NKAIN2: variants seen among roughly 807,000 people sequenced by gnomAD.
NKAIN2 encodes sodium/potassium-transporting ATPase subunit beta-1-interacting protein 2.
In NKAIN2, 14 loss-of-function variants were observed where a neutral mutation model predicts 32.6. The ratio of observed to expected loss-of-function variants is 0.43; its 90% CI spans 0.28 to 0.67. The LOEUF is 0.67. Ranked by LOEUF, NKAIN2 falls within the 30% of genes least tolerant of loss-of-function variation. NKAIN2 has a pLI of 0.17. For missense variants in NKAIN2, 198 were observed against 258.3 expected, an observed-to-expected ratio of 0.77 and a Z score of 1.60; for synonymous variants, 80 against 87.2, an observed-to-expected ratio of 0.92 and a Z score of 0.46.
At chr6:124,532,221 G>T (rs7773205) in intron 3 of NKAIN2, among the ~76,000 whole-genome samples, 8,089 of 152,112 alleles carry the variant, frequency 0.053, 532 homozygotes, top group East Asian at 0.14. Flanking sequence ...CACCCTGTTA[G>T]CAGGGACAGA....
intron 3 of NKAIN2, among the ~76,000 whole-genome samples, chr6:124,634,342 A>G (rs1783690128): frequency 6.6e-6 from 1 of 152,180 alleles, no homozygotes; most frequent in African/African-American, 2.4e-5. Flanking sequence ...CTGATAGACA[A>G]TTAAACAAAA....
At chr6:124,430,638 T>C (rs539186676) in intron 3 of NKAIN2, among the ~76,000 whole-genome samples, 1 of 151,718 alleles carries the variant, frequency 6.6e-6, no homozygotes, top group East Asian at 1.9e-4. Context: ...TATTCTTGCA[T>C]GGTAGCTCAG....
Position 124,276,293 on chromosome 6 carries a change from A to AACACACACACACACAC in NKAIN2, c.55-6696_55-6681dup, listed in dbSNP as rs149321217. Among the ~76,000 whole-genome samples, 111 of 145,952 alleles carry AACACACACACACACAC rather than the reference A, an allele frequency of 7.6e-4. 1 individual carries two copies. The highest frequency in any genetic ancestry group is 2.7e-3 in the African/African-American group (106 of 39,876). ...CAATTTTATTTTCTTCCCCTTGGTG[A>AACACACACACACACAC]ACACACACACACACACACACACACA... On this transcript the variant is annotated intron_variant, in intron 1 of 6. Coordinates refer to ENST00000368417, the MANE Select transcript of NKAIN2 (RefSeq NM_001040214.3).
intron 3 of NKAIN2, among the ~76,000 whole-genome samples, chr6:124,543,372 C>T (rs534401647): frequency 2.9e-4 from 44 of 152,140 alleles, no homozygotes; most frequent in Admixed American, 3.3e-4. Flanking sequence ...CACTTAATTT[C>T]GATACTAATT....
intron 1 of NKAIN2, among the ~76,000 whole-genome samples, chr6:124,246,137 T>C (rs997023195): frequency 1.3e-5 from 2 of 152,086 alleles, no homozygotes; most frequent in Non-Finnish European, 2.9e-5. Flanking sequence ...GTTTCTGTTA[T>C]TATTGCAGCT....
intron 1 of NKAIN2, among the ~76,000 whole-genome samples, chr6:123,853,099 AG>A (rs1775418329): frequency 6.6e-6 from 1 of 152,206 alleles, no homozygotes; most frequent in Non-Finnish European, 1.5e-5. Flanking sequence ...TGTGTGCCAC[AG>A]AGTACAGTAA....
intron 1 of NKAIN2, among the ~76,000 whole-genome samples, chr6:124,164,925 A>G (rs1294487476): frequency 3.9e-5 from 6 of 152,122 alleles, no homozygotes; most frequent in African/African-American, 7.2e-5. Context: ...TACATTTGTG[A>G]CAGAATATTA....
chr6:124,264,037 G>T (rs555604370), intron 1 of NKAIN2, among the ~76,000 whole-genome samples: 1 of 152,248 alleles, frequency 6.6e-6, no homozygotes, highest in East Asian at 1.9e-4. Context: ...CTGTGGATAA[G>T]TCCTAACTAC....
intron 1 of NKAIN2, among the ~76,000 whole-genome samples, chr6:123,995,525 C>T (rs1466634873): frequency 6.6e-6 from 1 of 152,090 alleles, no homozygotes; most frequent in Non-Finnish European, 1.5e-5. Flanking sequence ...CTCTTTCATC[C>T]ACTTGCACTG....
At position 124,526,530 on chromosome 6, in the gene NKAIN2, A is replaced by G. The variant is rs1300312762; in HGVS notation, c.274-131656A>G. ...CCCACCCTCAGATAGAAAGATATGT[A>G]TCTCAGAGACAATCATCCTGAAAAA... On this transcript the variant is annotated intron_variant, in intron 3 of 6. Transcript: ENST00000368417. Among the ~76,000 whole-genome samples, 6 of 152,272 alleles carry G rather than the reference A, an allele frequency of 3.9e-5. No individual in the cohort carries two copies. The South Asian group carries it at 6.2e-4, about 16-fold the overall frequency.
intron 4 of NKAIN2, among the ~76,000 whole-genome samples, chr6:124,786,233 G>A (rs996105570): frequency 2.0e-5 from 3 of 152,030 alleles, no homozygotes; most frequent in African/African-American, 7.2e-5. Context: ...TCACCCTCAT[G>A]TACTTTTTTG....
intron 4 of NKAIN2, among the ~76,000 whole-genome samples, chr6:124,720,061 T>C (rs1346331507): frequency 6.6e-6 from 1 of 152,184 alleles, no homozygotes; most frequent in East Asian, 1.9e-4. Flanking sequence ...TGAATTTTTT[T>C]TTCCTAGCAA....
chr6:123,855,278 A>G (rs188071835), intron 1 of NKAIN2, among the ~76,000 whole-genome samples: 4 of 152,356 alleles, frequency 2.6e-5, no homozygotes, highest in South Asian at 2.1e-4. Context: ...GTTGCAATAC[A>G]TATGACTGAG....
chr6:124,506,043 TG>T (rs1240374082), intron 3 of NKAIN2, among the ~76,000 whole-genome samples: 1 of 151,988 alleles, frequency 6.6e-6, no homozygotes, highest in Non-Finnish European at 1.5e-5. Context: ...TTACTGGGCA[TG>T]GTGGCAGGCG....
chr6:124,243,326 C>G (rs1025467425), intron 1 of NKAIN2, among the ~76,000 whole-genome samples: 1 of 151,950 alleles, frequency 6.6e-6, no homozygotes, highest in African/African-American at 2.4e-5. Flanking sequence ...AAAACTCCAT[C>G]TCTACTAAAA....
chr6:124,169,145 G>A (rs1424606760), intron 1 of NKAIN2, among the ~76,000 whole-genome samples: 2 of 152,008 alleles, frequency 1.3e-5, no homozygotes, highest in Non-Finnish European at 2.9e-5. Context: ...TTATTATCCA[G>A]TATAGCACTG....
intron 1 of NKAIN2, among the ~76,000 whole-genome samples, chr6:124,144,663 G>A (rs1787305013): frequency 6.6e-6 from 1 of 152,060 alleles, no homozygotes; most frequent in African/African-American, 2.4e-5. Flanking sequence ...AAAGTGAAAT[G>A]TAAAACTGTA....
chr6:123,973,724 A>G (rs948215949), intron 1 of NKAIN2, among the ~76,000 whole-genome samples: 1 of 151,852 alleles, frequency 6.6e-6, no homozygotes, highest in Non-Finnish European at 1.5e-5. Flanking sequence ...TTTTGCACCA[A>G]CCTAAATCGT....
chr6:124,254,036 C>T (rs1418026514), intron 1 of NKAIN2, among the ~76,000 whole-genome samples: 5 of 151,884 alleles, frequency 3.3e-5, no homozygotes, highest in Middle Eastern at 6.8e-3. Flanking sequence ...AAGATGGTCT[C>T]GTTCTCTTGA....
Sources: allele counts gnomAD v4.1 joint callset (sites outside exome capture counted in the v4.1 genomes callset), GRCh38; gene constraint gnomAD v4.1.1; transcripts MANE v1.5; gene names NCBI Gene and HGNC (gene_info 2026-07-23, HGNC 2026-07-21).